RPP14: variants seen among roughly 807,000 people sequenced by gnomAD.
RPP14 encodes ribonuclease P/MRP subunit p14, also known as ribonuclease P protein subunit p14.
RPP14 carries 19 observed loss-of-function variants against 17.8 expected under a neutral mutation model. The ratio of observed to expected loss-of-function variants is 1.07; its 90% CI spans 0.74 to 1.57. The LOEUF is 1.57. Ranked by LOEUF, RPP14 falls within the 40% of genes most tolerant of loss-of-function variation. The pLI is 0.00. For synonymous variants in RPP14, 60 were observed against 56.4 expected (o/e 1.06, Z -0.29); for missense variants, 125 against 140.8 (o/e 0.89, Z 0.57).
In RPP14 at chr3:58,317,879, A is replaced by G; in HGVS notation, c.*383A>G. The G allele has an allele frequency of 1.4e-6, 1 of 703,064 alleles. No homozygotes were observed. Among genetic ancestry groups the G allele is most frequent in the Non-Finnish European group, 2.6e-6 (1 of 385,020 alleles). The allele number at this position is 703,064 out of a possible 1,614,324, so 43.6% of individuals were successfully genotyped here. A position where few individuals can be genotyped will look rare whatever the true frequency, so the allele number is the denominator to read the frequency against. ...ACAATTGTACATGGAGTTTTGATCA[A>G]CGGACTTATCTCAGCTCTCCTAGGA... is the stretch of plus-strand genomic sequence containing the variant. On this transcript the variant is annotated 3_prime_UTR_variant, in exon 6 of 6. Coordinates refer to ENST00000295959, the MANE Select transcript of RPP14 (RefSeq NM_007042.6).
chr3:58,310,477 T>C, intron 2 of RPP14, 30 bp from the exon 3 acceptor site: 1 of 1,584,602 alleles, frequency 6.3e-7, no homozygotes. Context: ...TGAAATTTAA[T>C]ATGACTTTTT....
Position 58,320,172 on chromosome 3 carries a change from T to C in RPP14, c.*2676T>C, listed in dbSNP as rs2097493046. 6.6e-6 allele frequency: 1 copy of C among 151,028 alleles called. No individual in the cohort carries two copies. The highest frequency in any genetic ancestry group is 2.1e-4 in the South Asian group (1 of 4,836). The allele number at this position is 151,028 out of a possible 1,614,324, so 9.4% of individuals were successfully genotyped here. Reference sequence around the variant, plus strand: ...ATCATTTTATTTTATGGCTGAATAATATTCCATTGTATTTACCCATACATC... The same window carrying C: ...ATCATTTTATTTTATGGCTGAATAACATTCCATTGTATTTACCCATACATC... On this transcript the variant is annotated 3_prime_UTR_variant, in exon 6 of 6. Transcript: ENST00000295959.
At chr3:58,311,281 G>T (rs2097481973) in intron 3 of RPP14, among the ~76,000 whole-genome samples, 1 of 151,976 alleles carries the variant, frequency 6.6e-6, no homozygotes, top group African/African-American at 2.4e-5. Flanking sequence ...TAGCCCCCCT[G>T]GTAGCTGAGA....
rs766782651 is a variant in RPP14, at chr3:58,318,624, G to C, written c.*1128G>C. ...GAGCTGGAGGTTATGGTGAGAAACT[G>C]AGATTGCACCACTGCACTGTAGCCT... On this transcript the variant is annotated 3_prime_UTR_variant, in exon 6 of 6. Transcript: ENST00000295959. 1 of 153,160 alleles carries C rather than the reference G, an allele frequency of 6.5e-6. No homozygotes were observed. The highest frequency in any genetic ancestry group is 2.0e-4 in the South Asian group (1 of 4,900). 9.5% of individuals were successfully genotyped at this position (153,160 alleles called of 1,614,324 possible).
chr3:58,316,629 CAG>C, intron 4 of RPP14, 38 bp downstream of exon 4: 1 of 1,551,292 alleles, frequency 6.4e-7, no homozygotes, highest in Non-Finnish European at 8.9e-7. Context: ...TATAACAGGG[CAG>C]AGAGACCGAT....
intron 1 of RPP14, among the ~76,000 whole-genome samples, chr3:58,308,175 A>G (rs2097477727): frequency 6.6e-6 from 1 of 152,216 alleles, no homozygotes; most frequent in Admixed American, 6.5e-5. Context: ...GCATCAGGTA[A>G]CTATTTCCGC....
chr3:58,310,653 C>A, intron 3 of RPP14, 62 bp downstream of exon 3: 1 of 1,443,766 alleles, frequency 6.9e-7, no homozygotes, highest in Non-Finnish European at 9.6e-7. Context: ...CAGAAAGAGG[C>A]CGGGCGCGGT....
chr3:58,308,007 G>T (rs2097477530), intron 1 of RPP14: 1 of 151,960 alleles, frequency 6.6e-6, no homozygotes, highest in Non-Finnish European at 1.5e-5. Context: ...TGGCATCTAA[G>T]CCCTGGGTCT....
chr3:58,313,082 T>A (rs2097484147), intron 3 of RPP14, among the ~76,000 whole-genome samples: 1 of 150,722 alleles, frequency 6.6e-6, no homozygotes, highest in African/African-American at 2.5e-5. Context: ...GCTAACACGG[T>A]GAAACCCTGT....
In RPP14 at chr3:58,316,971, A is replaced by T; in HGVS notation, c.296A>T (p.Lys99Ile). 1 of 1,613,958 alleles carries T rather than the reference A, an allele frequency of 6.2e-7. No homozygotes were observed. The highest frequency in any genetic ancestry group is 8.5e-7 in the Non-Finnish European group (1 of 1,179,880). Residue 99 changes from lysine to isoleucine, a missense_variant, in exon 5 of 6, where the codon AAA (lysine) becomes ATA (isoleucine). Transcript: ENST00000295959. ...CTGTTAGGATCCTATAAAGGCAAAA[A>T]ATGTGCTTTCCGGGTGATTCAGGTA... ...LTLLGSYKGK[K>I]CAFRVIQVSP...
chr3:58,311,339 G>C lies in RPP14; in HGVS notation c.162+748G>C, dbSNP rs186837621. 1.1e-4 allele frequency among the ~76,000 whole-genome samples: 16 copies of C among 152,278 alleles called. 1 individual carries two copies. Among genetic ancestry groups the C allele is most frequent in the African/African-American group, 3.8e-4 (16 of 41,574 alleles). On this transcript the variant is annotated intron_variant, in intron 3 of 5. Coordinates refer to ENST00000295959, the MANE Select transcript of RPP14 (RefSeq NM_007042.6). ...CCAACTAATTTTTGTATTTTTACTA[G>C]AGACAGGGTTTCGTCATGTTGGCCA... is the stretch of plus-strand genomic sequence containing the variant.
intron 2 of RPP14, 49 bp downstream of exon 2, chr3:58,310,455 A>C: frequency 6.2e-7 from 1 of 1,603,122 alleles, no homozygotes; most frequent in African/African-American, 1.3e-5. Flanking sequence ...TCTAACATGA[A>C]TCTGAATAGA....
Position 58,319,039 on chromosome 3 carries a change from A to T in RPP14, c.*1543A>T, listed in dbSNP as rs1025362650. 1 of 152,070 alleles carries T rather than the reference A, an allele frequency of 6.6e-6. No homozygotes were observed. Among genetic ancestry groups the T allele is most frequent in the Non-Finnish European group, 1.5e-5 (1 of 68,000 alleles). The allele number at this position is 152,070 out of a possible 1,614,324, so 9.4% of individuals were successfully genotyped here. On this transcript the variant is annotated 3_prime_UTR_variant, in exon 6 of 6. Coordinates refer to ENST00000295959, the MANE Select transcript of RPP14 (RefSeq NM_007042.6). The stretch of plus-strand genomic sequence containing the variant: ...CTTTTAGAAATTCAGACCTAGATAG[A>T]TTTGCATTTGGATAACAAATCCCTA...
At chr3:58,307,880 T>C (rs1026843063) in intron 1 of RPP14, 3 of 150,714 alleles carry the variant, frequency 2.0e-5, no homozygotes, top group African/African-American at 7.4e-5. Flanking sequence ...TTTTTTTTTT[T>C]AATTGCAAAA....
In RPP14 at chr3:58,317,750, G is replaced by A; in HGVS notation, c.*254G>A. ...GTTGGAGACCGCGCTGAACTTAGGA[G>A]GGCCTTCACACAGACTGATGTGGCT... On this transcript the variant is annotated 3_prime_UTR_variant, in exon 6 of 6. Transcript: ENST00000295959. The A allele has an allele frequency of 1.4e-6, 1 of 703,346 alleles. No homozygotes were observed. The highest frequency in any genetic ancestry group is 2.6e-6 in the Non-Finnish European group (1 of 385,010). The allele number at this position is 703,346 out of a possible 1,614,324, so 43.6% of individuals were successfully genotyped here.
chr3:58,310,480 G>A (rs1174636390), intron 2 of RPP14, 27 bp from the exon 3 acceptor site: 1 of 1,515,634 alleles, frequency 6.6e-7, no homozygotes. Context: ...AATTTAATAT[G>A]ACTTTTTTTT....
Position 58,317,776 on chromosome 3 carries a change from A to G in RPP14, c.*280A>G, listed in dbSNP as rs986334167. The G allele has an allele frequency of 1.0e-5, 7 of 703,026 alleles. No individual in the cohort carries two copies. Among genetic ancestry groups the G allele is most frequent in the African/African-American group, 1.7e-5 (1 of 57,258 alleles). The allele number at this position is 703,026 out of a possible 1,614,324, so 43.5% of individuals were successfully genotyped here. ...GGCCTTCACACAGACTGATGTGGCT[A>G]CCTTCTCAGAATTAACAGGGGATGT... is the stretch of plus-strand genomic sequence containing the variant. On this transcript the variant is annotated 3_prime_UTR_variant, in exon 6 of 6. Transcript: ENST00000295959.
At chr3:58,307,270 C>T (rs2097476355) in intron 1 of RPP14, among the ~76,000 whole-genome samples, 1 of 152,196 alleles carries the variant, frequency 6.6e-6, no homozygotes, top group African/African-American at 2.4e-5. Flanking sequence ...CTGGATAAAA[C>T]GGGAACCATA....
intron 1 of RPP14, chr3:58,310,016 A>T (rs1431838236): frequency 3.5e-6 from 1 of 286,678 alleles, no homozygotes; most frequent in Non-Finnish European, 6.6e-6. Flanking sequence ...CCTGGGCAAC[A>T]TGGTGAAACC....
Sources: allele counts gnomAD v4.1 joint callset (sites outside exome capture counted in the v4.1 genomes callset), GRCh38; gene constraint gnomAD v4.1.1; transcripts MANE v1.5; gene names NCBI Gene and HGNC (gene_info 2026-07-23, HGNC 2026-07-21).